NCKAP5L: variants seen among roughly 807,000 people sequenced by gnomAD.
NCKAP5L encodes nck-associated protein 5-like.
In NCKAP5L, 54 loss-of-function variants were observed where a neutral mutation model predicts 103.2. The observed-to-expected ratio is 0.52, with a 90% CI of 0.42 to 0.66. The LOEUF (loss-of-function observed/expected upper bound fraction) is 0.66. Among genes scored for constraint, NCKAP5L ranks in the 30% least tolerant of loss-of-function variants. The pLI, the probability that NCKAP5L is intolerant of heterozygous loss-of-function variation, is 0.00. For synonymous variants in NCKAP5L, 762 were observed against 748.6 expected (o/e 1.02, Z -0.29); for missense variants, 1,733 against 1,750.6 (o/e 0.99, Z 0.18).
chr12:49,816,925 G>GT (rs1243970176), intron 1 of NCKAP5L, among the ~76,000 whole-genome samples: 1 of 152,078 alleles, frequency 6.6e-6, no homozygotes, highest in Non-Finnish European at 1.5e-5. Flanking sequence ...CAATGCTTGG[G>GT]TATATAGCTG....
intron 1 of NCKAP5L, among the ~76,000 whole-genome samples, chr12:49,810,675 G>A (rs570028112): frequency 6.6e-6 from 1 of 152,316 alleles, no homozygotes; most frequent in South Asian, 2.1e-4. Context: ...GACAGGAGAA[G>A]CCAGCTTCCT....
chr12:49,803,311 A>C, intron 3 of NCKAP5L, 146 bp from the exon 4 acceptor site: 151 of 758,478 alleles, frequency 2.0e-4, no homozygotes, highest in Middle Eastern at 3.4e-4. Flanking sequence ...GCAGATTCTC[A>C]TATGAGGAAT....
intron 1 of NCKAP5L, among the ~76,000 whole-genome samples, chr12:49,812,088 A>G (rs1468292923): frequency 6.6e-6 from 1 of 152,096 alleles, no homozygotes; most frequent in Non-Finnish European, 1.5e-5. Flanking sequence ...AAAGTGTACA[A>G]TTCAGTGGTT....
chr12:49,791,840 C>T lies in NCKAP5L; in HGVS notation c.4004G>A (p.Ter1335=), dbSNP rs771975970. The part of the protein sequence containing the change: ...DSLSSCGSQG[*] ...GGGGCCGTGGCGTGGCGCAGCCCCT[C>T]AGCCCTGACTCCCACAAGAGGACAG... Residue 1335 remains the stop codon, a stop_retained_variant, in exon 13 of 13, where the codon TGA becomes TAA. Transcript: ENST00000335999. 29 of 1,596,646 alleles carry T rather than the reference C, an allele frequency of 1.8e-5. 1 individual carries two copies. Among genetic ancestry groups the T allele is most frequent in the Non-Finnish European group, 2.3e-5 (27 of 1,170,284 alleles).
Position 49,797,665 on chromosome 12 carries a change from T to C in NCKAP5L, c.466-271A>G, listed in dbSNP as rs943772911. On this transcript the variant is annotated intron_variant, in intron 7 of 12. Transcript: ENST00000335999. The surrounding 1 kb of genome is among the most constrained non-coding windows in gnomAD (Gnocchi z 4.5). The stretch of plus-strand genomic sequence containing the variant: ...TTTTCTTGGTTGCCCCAGCCCCTAC[T>C]CCCCACAGCCATTTGGATTAGCAGG... Among the ~76,000 whole-genome samples, 14 of 152,136 alleles carry C rather than the reference T, an allele frequency of 9.2e-5. No individual in the cohort carries two copies. The highest frequency in any genetic ancestry group is 3.4e-4 in the African/African-American group (14 of 41,436).
chr12:49,795,129 G>C lies in NCKAP5L; in HGVS notation c.2731C>G (p.His911Asp). 6.2e-7 allele frequency: 1 copy of C among 1,612,192 alleles called. No homozygotes were observed. Among genetic ancestry groups the C allele is most frequent in the Non-Finnish European group, 8.5e-7 (1 of 1,179,498 alleles). The change falls in exon 8 of 13, where the codon CAC becomes GAC. Residue 911 changes from histidine (H) to aspartate (D), a missense_variant. Transcript: ENST00000335999. ...CTGGCGATGCTGCTGGTGTTGCGGT[G>C]CTTGACCTCGGCGCCAGGGGCTCGC... is the stretch of plus-strand genomic sequence containing the variant. ...QERAPGAEVK[H>D]RNTSSIASWF...
At chr12:49,828,099 G>A (rs1292408610) in intron 1 of NCKAP5L, among the ~76,000 whole-genome samples, 2 of 151,480 alleles carry the variant, frequency 1.3e-5, no homozygotes, top group Non-Finnish European at 3.0e-5. Flanking sequence ...AGGGGGTGGG[G>A]TGGGGGTGCA....
At chr12:49,824,911 G>A (rs147339513) in intron 1 of NCKAP5L, among the ~76,000 whole-genome samples, 9 of 152,322 alleles carry the variant, frequency 5.9e-5, no homozygotes, top group East Asian at 1.9e-4. Flanking sequence ...AGGGTCCTGC[G>A]ATAACACTCT....
At chr12:49,806,948 A>G (rs1228157984) in intron 1 of NCKAP5L, among the ~76,000 whole-genome samples, 1 of 152,240 alleles carries the variant, frequency 6.6e-6, no homozygotes, top group Non-Finnish European at 1.5e-5. Context: ...CTGCTGACAG[A>G]GGCACAGTAC....
At chr12:49,826,866 T>A (rs1946422157) in intron 1 of NCKAP5L, among the ~76,000 whole-genome samples, 1 of 152,122 alleles carries the variant, frequency 6.6e-6, no homozygotes, top group Non-Finnish European at 1.5e-5. Flanking sequence ...GTCCTCACTC[T>A]CTTCGTGAGG....
intron 1 of NCKAP5L, among the ~76,000 whole-genome samples, chr12:49,818,683 C>A (rs780958619): frequency 6.6e-6 from 1 of 152,148 alleles, no homozygotes; most frequent in Non-Finnish European, 1.5e-5. Flanking sequence ...AAAAGACAGA[C>A]AAATGGCCAG....
intron 6 of NCKAP5L, among the ~76,000 whole-genome samples, chr12:49,799,128 CCCA>C (rs1946091268): frequency 6.6e-6 from 1 of 152,136 alleles, no homozygotes; most frequent in African/African-American, 2.4e-5. Context: ...GGCCCCCTGC[CCCA>C]CAACCTATGG....
chr12:49,812,289 C>T (rs900829842), intron 1 of NCKAP5L, among the ~76,000 whole-genome samples: 1 of 152,110 alleles, frequency 6.6e-6, no homozygotes, highest in Non-Finnish European at 1.5e-5. Context: ...ATCATTGGTG[C>T]CTTTTACGAC....
rs147145441 is a variant in NCKAP5L at position 49,793,962 on chromosome 12, C to T, written c.3096-66G>A. 4.3e-4 allele frequency: 588 copies of T among 1,374,168 alleles called. 4 individuals are homozygous for T. In the African/African-American group the frequency reaches 7.8e-3, roughly 18 times the overall value. 85.1% of individuals were successfully genotyped at this position (1,374,168 alleles called of 1,614,324 possible). On this transcript the variant is annotated intron_variant, in intron 8 of 12. Coordinates refer to ENST00000335999, the MANE Select transcript of NCKAP5L (RefSeq NM_001037806.4). ...CTGCCCAGACATTCCAGCCTTGCAC[C>T]CGCCAATGGTGCTGGGCTTAGGGAG...
intron 1 of NCKAP5L, among the ~76,000 whole-genome samples, chr12:49,806,402 G>A (rs775901441): frequency 3.9e-5 from 6 of 152,350 alleles, no homozygotes; most frequent in African/African-American, 7.2e-5. Context: ...GTCTTGCCTC[G>A]TGCTCAACAG....
intron 6 of NCKAP5L, among the ~76,000 whole-genome samples, chr12:49,800,183 GA>G (rs927228449): frequency 2.6e-5 from 4 of 152,218 alleles, no homozygotes; most frequent in Admixed American, 2.6e-4. Flanking sequence ...CAACAAGAGT[GA>G]AACTCCATCT....
chr12:49,823,645 A>AT (rs1324369214), intron 1 of NCKAP5L, among the ~76,000 whole-genome samples: 1 of 117,614 alleles, frequency 8.5e-6, no homozygotes, highest in Non-Finnish European at 2.0e-5. Flanking sequence ...ACATCTATAC[A>AT]TTAAAAAAAA....
chr12:49,820,829 C>G (rs1946353236), intron 1 of NCKAP5L, among the ~76,000 whole-genome samples: 1 of 152,200 alleles, frequency 6.6e-6, no homozygotes, highest in South Asian at 2.1e-4. Context: ...TGATCACAAA[C>G]AGGAGTCAGG....
In NCKAP5L at chr12:49,795,975, C is replaced by G. The variant is rs753175003; in HGVS notation, c.1885G>C (p.Glu629Gln). 3.9e-6 allele frequency: 6 copies of G among 1,535,654 alleles called. No homozygotes were observed. The Admixed American group carries it at 1.1e-4, about 28-fold the overall frequency. ...QEKSLDKAGS[E>Q]SPHPGRRTPG... ...GTCCTGCGGCCGGGATGGGGAGACT[C>G]CGAGCCTGCCTTGTCCAAACTCTTC... is the stretch of plus-strand genomic sequence containing the variant. The change falls in exon 8 of 13, where the codon GAG (glutamate) becomes CAG (glutamine). Residue 629 changes from glutamate to glutamine, a missense_variant. By Grantham distance (29) the Glu-to-Gln change is conservative. Coordinates refer to ENST00000335999, the MANE Select transcript of NCKAP5L (RefSeq NM_001037806.4).
Sources: allele counts gnomAD v4.1 joint callset (sites outside exome capture counted in the v4.1 genomes callset), GRCh38; gene constraint gnomAD v4.1.1; non-coding constraint Gnocchi (gnomAD v3.1); transcripts MANE v1.5; gene names NCBI Gene and HGNC (gene_info 2026-07-23, HGNC 2026-07-21).